Variants in ZNF407 observed in about 807,000 individuals in gnomAD.
ZNF407 encodes zinc finger protein 407.
ZNF407 carries 17 observed loss-of-function variants against 131.2 expected under a neutral mutation model. The observed-to-expected ratio is 0.13, with a 90% CI of 0.09 to 0.19. The LOEUF (loss-of-function observed/expected upper bound fraction) is 0.19, where lower values mean the gene tolerates loss of function less well. Among genes scored for constraint, ZNF407 ranks in the 10% least tolerant of loss-of-function variants. ZNF407 has a pLI of 1.00. For synonymous variants in ZNF407, 1,156 were observed against 1,062.0 expected, an observed-to-expected ratio of 1.09 and a Z score of -1.72; for missense variants, 2,681 against 2,830.6, an observed-to-expected ratio of 0.95 and a Z score of 1.20.
chr18:74,948,765 A>G (rs1283758899), intron 8 of ZNF407, among the ~76,000 whole-genome samples: 1 of 152,246 alleles, frequency 6.6e-6, no homozygotes, highest in East Asian at 1.9e-4. Flanking sequence ...TAAGAATGCT[A>G]TGTAAAAATA....
At chr18:74,641,177 GCC>G (rs1224412503) in intron 3 of ZNF407, 55 bp downstream of exon 3, 1 of 1,433,446 alleles carries the variant, frequency 7.0e-7, no homozygotes, top group Admixed American at 1.7e-5. Context: ...GTGCAGGATA[GCC>G]ATTGTTTCGG....
At chr18:75,062,276 T>C (rs144629943) in intron 8 of ZNF407, 1 of 152,402 alleles carries the variant, frequency 6.6e-6, no homozygotes, top group East Asian at 1.9e-4. Flanking sequence ...TTCCTGAATG[T>C]ATGGCTTCTT....
At chr18:74,796,967 G>C (rs1969931244) in intron 4 of ZNF407, among the ~76,000 whole-genome samples, 1 of 152,164 alleles carries the variant, frequency 6.6e-6, no homozygotes, top group African/African-American at 2.4e-5. Flanking sequence ...GACAAGACCT[G>C]CTAGGTGATT....
rs1967138262 is a variant in ZNF407, at chr18:74,688,133, T to C, written c.4802+47011T>C. ...AAGTTCCATATAGCTTTTCAGCCTCTATTTTCAAGTAAAATTTGATTATAG... is the reference window on the plus strand; with the variant it reads ...AAGTTCCATATAGCTTTTCAGCCTCCATTTTCAAGTAAAATTTGATTATAG... On this transcript the variant is annotated intron_variant, in intron 3 of 8. Transcript: ENST00000299687. Among the ~76,000 whole-genome samples the C allele has an allele frequency of 1.3e-5, 2 of 152,224 alleles. 1 individual carries two copies. The highest frequency in any genetic ancestry group is 4.1e-4 in the South Asian group (2 of 4,832).
intron 8 of ZNF407, among the ~76,000 whole-genome samples, chr18:75,038,248 T>C (rs1039722907): frequency 3.9e-5 from 6 of 152,250 alleles, no homozygotes; most frequent in African/African-American, 7.2e-5. Flanking sequence ...CCCATGTTCA[T>C]TGGCCACATG....
intron 4 of ZNF407, 24 bp downstream of exon 4, chr18:74,781,526 A>T (rs539300600): frequency 6.8e-7 from 1 of 1,462,498 alleles, no homozygotes; most frequent in African/African-American, 1.5e-5. Context: ...TTTTTTTTTC[A>T]TTTAAAAATA....
At chr18:75,047,971 T>C (rs1825573713) in intron 8 of ZNF407, among the ~76,000 whole-genome samples, 1 of 152,262 alleles carries the variant, frequency 6.6e-6, no homozygotes, top group Non-Finnish European at 1.5e-5. Flanking sequence ...GCACACATCA[T>C]GCCAAGTTTC....
chr18:74,869,221 T>G (rs1971053874), intron 4 of ZNF407, among the ~76,000 whole-genome samples: 1 of 152,228 alleles, frequency 6.6e-6, no homozygotes. Context: ...TATTAGTAAC[T>G]ATTATTTTAA....
intron 8 of ZNF407, among the ~76,000 whole-genome samples, chr18:74,924,501 T>A (rs1243995464): frequency 1.3e-5 from 2 of 152,220 alleles, no homozygotes; most frequent in Non-Finnish European, 2.9e-5. Flanking sequence ...AAAATCTATT[T>A]CATCTCAAAA....
chr18:74,832,108 C>CTCT (rs960982092), intron 4 of ZNF407, among the ~76,000 whole-genome samples: 4 of 152,174 alleles, frequency 2.6e-5, no homozygotes, highest in Non-Finnish European at 4.4e-5. Flanking sequence ...ATTCACTCAA[C>CTCT]TCTGAGTGTG....
At chr18:74,779,264 C>T (rs557432888) in intron 3 of ZNF407, among the ~76,000 whole-genome samples, 9 of 150,358 alleles carry the variant, frequency 6.0e-5, no homozygotes, top group Admixed American at 2.7e-4. Flanking sequence ...TACAGGTGCC[C>T]GCCACCACAC....
intron 4 of ZNF407, among the ~76,000 whole-genome samples, chr18:74,833,728 G>A (rs7238926): frequency 0.023 from 3,439 of 152,270 alleles, 67 homozygotes; most frequent in Middle Eastern, 0.14. Context: ...CTTGTTTATC[G>A]TTTGAAAGTT....
chr18:74,970,863 TGCCCTAGCAGAG>T (rs754966148), intron 8 of ZNF407, among the ~76,000 whole-genome samples: 2 of 152,242 alleles, frequency 1.3e-5, no homozygotes, highest in Non-Finnish European at 2.9e-5. Context: ...CTTTGCACGC[TGCCCTAGCAGAG>T]GCTCTCCATG....
intron 8 of ZNF407, among the ~76,000 whole-genome samples, chr18:75,019,437 C>T (rs1381868444): frequency 1.3e-5 from 2 of 152,118 alleles, no homozygotes; most frequent in African/African-American, 4.8e-5. Context: ...CAGTTACCTG[C>T]AGTCACAGTG....
chr18:74,707,287 A>T (rs1967649405), intron 3 of ZNF407, among the ~76,000 whole-genome samples: 1 of 152,150 alleles, frequency 6.6e-6, no homozygotes, highest in South Asian at 2.1e-4. Context: ...CTCTGTGTAC[A>T]TGTCAAAGTG....
chr18:74,913,854 C>G (rs1599238540), intron 7 of ZNF407, among the ~76,000 whole-genome samples: 1 of 152,218 alleles, frequency 6.6e-6, no homozygotes, highest in African/African-American at 2.4e-5. Context: ...TTGTGGAGTT[C>G]TAGAAGTACT....
In ZNF407 at chr18:74,774,160, G is replaced by C. The variant is rs956587010; in HGVS notation, c.4803-7268G>C. 3.9e-5 allele frequency among the ~76,000 whole-genome samples: 6 copies of C among 152,174 alleles called. No individual in the cohort carries two copies. The East Asian group carries it at 7.7e-4, about 20-fold the overall frequency. ...ATATGGTATAAAATCCAAGAGTCCA[G>C]ATAAAGTGCTTTAGAAAGAAAGTGA... On this transcript the variant is annotated intron_variant, in intron 3 of 8. Coordinates refer to ENST00000299687, the MANE Select transcript of ZNF407 (RefSeq NM_017757.3).
chr18:74,915,454 G>T (rs1268896906), intron 7 of ZNF407, among the ~76,000 whole-genome samples: 37 of 130,044 alleles, frequency 2.8e-4, no homozygotes, highest in African/African-American at 1.1e-3. Flanking sequence ...GTGAGGTTGT[G>T]TGCAGCATTG....
chr18:74,691,686 C>T (rs140212623), intron 3 of ZNF407, among the ~76,000 whole-genome samples: 79 of 152,158 alleles, frequency 5.2e-4, no homozygotes, highest in East Asian at 1.5e-3. Flanking sequence ...GCATTTAAAG[C>T]GACAGAATTC....
Sources: allele counts gnomAD v4.1 joint callset (sites outside exome capture counted in the v4.1 genomes callset), GRCh38; gene constraint gnomAD v4.1.1; transcripts MANE v1.5; gene names NCBI Gene and HGNC (gene_info 2026-07-23, HGNC 2026-07-21).